The following DKK2 variants were observed in gnomAD, a reference collection of about 807,000 sequenced individuals.
The protein encoded by DKK2 is dickkopf-related protein 2.
A neutral mutation model predicts 28.1 loss-of-function variants in DKK2; 11 were observed. The observed-to-expected ratio is 0.39, with a 90% CI of 0.25 to 0.65. DKK2 has a LOEUF of 0.65. DKK2 is among the 30% of genes least tolerant of loss of function. The pLI is 0.47. For synonymous variants in DKK2, 135 were observed against 126.5 expected, an observed-to-expected ratio of 1.07 and a Z score of -0.45; for missense variants, 326 against 335.5, an observed-to-expected ratio of 0.97 and a Z score of 0.22.
intron 1 of DKK2, among the ~76,000 whole-genome samples, chr4:106,940,485 A>C (rs1724677262): frequency 6.6e-6 from 1 of 150,928 alleles, no homozygotes; most frequent in African/African-American, 2.5e-5. Flanking sequence ...ATGTGGAGAA[A>C]TAGGAACACT....
chr4:107,035,219 A>T (rs1227368409), intron 1 of DKK2, 151 bp downstream of exon 1: 10 of 891,378 alleles, frequency 1.1e-5, no homozygotes, highest in Non-Finnish European at 1.7e-5. Context: ...CCGCCCACGC[A>T]GACCCTGTTC....
At chr4:107,013,101 T>C (rs1394425481) in intron 1 of DKK2, among the ~76,000 whole-genome samples, 1 of 151,222 alleles carries the variant, frequency 6.6e-6, no homozygotes, top group Non-Finnish European at 1.5e-5. Context: ...AAATTACCAC[T>C]ATCCTTCATA....
chr4:106,963,057 T>C (rs554816717), intron 1 of DKK2, among the ~76,000 whole-genome samples: 3 of 136,978 alleles, frequency 2.2e-5, no homozygotes, highest in African/African-American at 5.4e-5. Context: ...CGAAACTGCG[T>C]CTCAAAACAA....
intron 1 of DKK2, among the ~76,000 whole-genome samples, chr4:106,989,605 G>A (rs1468219198): frequency 6.6e-6 from 1 of 152,194 alleles, no homozygotes; most frequent in East Asian, 1.9e-4. Flanking sequence ...AACATCATTA[G>A]AAACCAAGTA....
rs73837507 is a variant in DKK2, at chr4:106,979,768, C to T, written c.223-53819G>A. Among the ~76,000 whole-genome samples the T allele has an allele frequency of 7.2e-3, 1,091 of 152,304 alleles. 12 individuals carry two copies. Among genetic ancestry groups the T allele is most frequent in the African/African-American group, 0.025 (1,039 of 41,572 alleles). On this transcript the variant is annotated intron_variant, in intron 1 of 3. Transcript: ENST00000285311. ...GCTGTGCTATTCCCAGCCTTACTAC[C>T]GACTTACTCAAACTCGCTGCACTCA...
At chr4:106,949,248 G>A (rs1346045296) in intron 1 of DKK2, among the ~76,000 whole-genome samples, 13 of 152,258 alleles carry the variant, frequency 8.5e-5, no homozygotes, top group East Asian at 1.9e-4. Context: ...TTCCTTTGAT[G>A]TCTGAGATTT....
intron 1 of DKK2, among the ~76,000 whole-genome samples, chr4:107,012,921 T>C (rs1238975682): frequency 6.6e-6 from 1 of 150,528 alleles, no homozygotes; most frequent in Non-Finnish European, 1.5e-5. Flanking sequence ...ATATATTTTA[T>C]ATATTTTTCA....
intron 3 of DKK2, 42 bp from the exon 4 acceptor site, chr4:106,924,246 G>T (rs974540230): frequency 1.7e-5 from 25 of 1,493,846 alleles, no homozygotes; most frequent in Middle Eastern, 3.6e-4. Flanking sequence ...TGACACTTCA[G>T]AAAAAAAAAA....
chr4:106,946,412 A>G (rs1724776318), intron 1 of DKK2, among the ~76,000 whole-genome samples: 1 of 152,028 alleles, frequency 6.6e-6, no homozygotes, highest in South Asian at 2.1e-4. Context: ...TAGATGAAAC[A>G]AGATTAGCCA....
chr4:106,964,497 C>T lies in DKK2; in HGVS notation c.223-38548G>A, dbSNP rs142885456. On this transcript the variant is annotated intron_variant, in intron 1 of 3. Coordinates refer to ENST00000285311, the MANE Select transcript of DKK2 (RefSeq NM_014421.3). ...TAATTTATTGTATTTTTCAAAATAA[C>T]TAAGAGTGGAATTAGAATGTTCCTA... is the stretch of plus-strand genomic sequence containing the variant. Among the ~76,000 whole-genome samples, 28 of 152,068 alleles carry T rather than the reference C, an allele frequency of 1.8e-4. No homozygotes were observed. In the East Asian group the frequency reaches 5.0e-3, roughly 27 times the overall value.
At chr4:106,968,165 G>A (rs1271034356) in intron 1 of DKK2, among the ~76,000 whole-genome samples, 2 of 151,204 alleles carry the variant, frequency 1.3e-5, no homozygotes, top group African/African-American at 4.9e-5. Flanking sequence ...AGGATGGAAG[G>A]AATGAATGCA....
intron 1 of DKK2, among the ~76,000 whole-genome samples, chr4:106,965,907 C>T (rs1578360553): frequency 1.3e-5 from 2 of 150,698 alleles, no homozygotes; most frequent in South Asian, 2.1e-4. Context: ...CATCCATGTC[C>T]CTACAAAGGA....
At chr4:106,933,099 T>C (rs1004840900) in intron 1 of DKK2, among the ~76,000 whole-genome samples, 1 of 152,202 alleles carries the variant, frequency 6.6e-6, no homozygotes, top group Non-Finnish European at 1.5e-5. Flanking sequence ...TAATAGAGAT[T>C]CTATTTCTAG....
At chr4:106,946,719 T>A (rs1724781807) in intron 1 of DKK2, among the ~76,000 whole-genome samples, 1 of 151,988 alleles carries the variant, frequency 6.6e-6, no homozygotes, top group African/African-American at 2.4e-5. Flanking sequence ...CAACCTCTGA[T>A]GCGGTTGTTA....
chr4:107,035,931 T>C lies in DKK2; in HGVS notation c.-340A>G, dbSNP rs576440729. 2 of 330,290 alleles carry C rather than the reference T, an allele frequency of 6.1e-6. No individual in the cohort carries two copies. Among genetic ancestry groups the C allele is most frequent in the Non-Finnish European group, 1.1e-5 (2 of 175,396 alleles). 20.5% of individuals were successfully genotyped at this position (330,290 alleles called of 1,614,324 possible). ...GGATCGCACCGCTTCCGTTCCTTCT[T>C]GCCCCGCACCTCCTTGGTCCCGCCG... On this transcript the variant is annotated 5_prime_UTR_variant, in exon 1 of 4. Coordinates refer to ENST00000285311, the MANE Select transcript of DKK2 (RefSeq NM_014421.3).
At chr4:106,999,978 A>T (rs1405525797) in intron 1 of DKK2, among the ~76,000 whole-genome samples, 1 of 152,216 alleles carries the variant, frequency 6.6e-6, no homozygotes, top group African/African-American at 2.4e-5. Context: ...TGAAATACGT[A>T]ATACAAAAAG....
rs1188695271 is a variant in DKK2 at position 107,035,467 on chromosome 4, A to G, written c.125T>C (p.Leu42Pro). The stretch of plus-strand genomic sequence containing the variant: ...GGCCTGACCAGGCGTCTCCCCGCCC[A>G]GAGAGGACTTGATGGAGTTGAGTTT... ...RAKLNSIKSS[L>P]GGETPGQAAN... The change falls in exon 1 of 4, where the codon CTG (leucine) becomes CCG (proline). Residue 42 changes from leucine to proline, a missense_variant. Physicochemically the swap from Leu to Pro is moderately conservative, Grantham distance 98. Coordinates refer to ENST00000285311, the MANE Select transcript of DKK2 (RefSeq NM_014421.3). 4 of 1,614,068 alleles carry G rather than the reference A, an allele frequency of 2.5e-6. No individual in the cohort carries two copies. Among genetic ancestry groups the G allele is most frequent in the African/African-American group, 1.3e-5 (1 of 74,940 alleles).
chr4:106,925,348 G>A (rs1191521399), intron 2 of DKK2, among the ~76,000 whole-genome samples: 1 of 152,166 alleles, frequency 6.6e-6, no homozygotes, highest in Non-Finnish European at 1.5e-5. Context: ...AAGCCAGGTT[G>A]GGGAATAAAA....
intron 1 of DKK2, among the ~76,000 whole-genome samples, chr4:106,952,978 G>T (rs988859582): frequency 2.0e-5 from 3 of 152,088 alleles, no homozygotes; most frequent in African/African-American, 4.8e-5. Flanking sequence ...CTTAAACAAA[G>T]TACTTTCAAT....
Sources: gnomAD v4.1 joint callset for allele counts (sites outside exome capture counted in the v4.1 genomes callset) on GRCh38, gnomAD v4.1.1 for gene constraint, MANE v1.5 for transcripts, NCBI Gene and HGNC (gene_info 2026-07-23, HGNC 2026-07-21) for gene names.